The following CCDC127 variants were observed in gnomAD, a reference collection of about 807,000 sequenced individuals.
CCDC127 encodes coiled-coil domain containing 127, also known as coiled-coil domain-containing protein 127.
CCDC127 carries 2 observed loss-of-function variants against 4.1 expected under a neutral mutation model. That is an observed-to-expected ratio of 0.49 (90% CI 0.20 to 1.53). The LOEUF is 1.53. CCDC127 is among the 40% of genes most tolerant of loss of function. CCDC127 has a pLI of 0.23. For missense variants in CCDC127, 271 were observed against 322.9 expected, an observed-to-expected ratio of 0.84 and a Z score of 1.23; for synonymous variants, 98 against 120.4, an observed-to-expected ratio of 0.81 and a Z score of 1.22.
At position 201,427 on chromosome 5, in the gene CCDC127, GAA is replaced by G. The variant is rs1443436795; in HGVS notation, c.*3868_*3869del. On this transcript the variant is annotated 3_prime_UTR_variant, in exon 3 of 3. Transcript: ENST00000296824. Reference sequence around the variant, plus strand: ...AATTAGACATAACTTCTCTTTGAAAGAACACACAGATCATTTGGTGAAGTTTT... The same window carrying G: ...AATTAGACATAACTTCTCTTTGAAAGCACACAGATCATTTGGTGAAGTTTT... 3 of 152,124 alleles carry G rather than the reference GAA, an allele frequency of 2.0e-5. No individual in the cohort carries two copies. The highest frequency in any genetic ancestry group is 7.2e-5 in the African/African-American group (3 of 41,412). The allele number at this position is 152,124 out of a possible 1,614,324, so 9.4% of individuals were successfully genotyped here.
Position 197,861 on chromosome 5 carries a change from C to A in CCDC127, c.*7436G>T. The A allele has an allele frequency of 1.1e-5, 1 of 94,652 alleles. No homozygotes were observed. Among genetic ancestry groups the A allele is most frequent in the Non-Finnish European group, 2.5e-5 (1 of 40,224 alleles). 5.9% of individuals were successfully genotyped at this position (94,652 alleles called of 1,614,324 possible). A position where few individuals can be genotyped will look rare whatever the true frequency, so the allele number is the denominator to read the frequency against. ...TGTCACCCCCTCCCCGAGTGTGTCCCCACCCCAGGGGCCCCCATGTCACCC... is the reference window on the plus strand; with the variant it reads ...TGTCACCCCCTCCCCGAGTGTGTCCACACCCCAGGGGCCCCCATGTCACCC... On this transcript the variant is annotated 3_prime_UTR_variant, in exon 3 of 3. Transcript: ENST00000296824.
At position 205,901 on chromosome 5, in the gene CCDC127, C is replaced by T. The variant is rs11557427; in HGVS notation, c.179G>A (p.Arg60His). ...CTGTTGAAAAGCAGCAGTTCTCCGA[C>T]GGTAGGCTTCTCTCTCTTTTTCTAC... Reference protein sequence around the residue: ...KEVEKEREAYRRRTAAFQQDL... With the variant: ...KEVEKEREAYHRRTAAFQQDL... Residue 60 changes from arginine (R) to histidine (H), a missense_variant, in exon 3 of 3, where the codon CGT (arginine) becomes CAT (histidine). By Grantham distance (29) the Arg-to-His change is conservative. Coordinates refer to ENST00000296824, the MANE Select transcript of CCDC127 (RefSeq NM_145265.3). 2.4e-3 allele frequency: 3,911 copies of T among 1,614,132 alleles called. 68 individuals are homozygous for T. The African/African-American group carries it at 0.045, about 18-fold the overall frequency.
intron 2 of CCDC127, chr5:214,714 T>G (rs1734344591): frequency 6.6e-6 from 1 of 152,056 alleles, no homozygotes; most frequent in African/African-American, 2.4e-5. Flanking sequence ...TTACACACAT[T>G]TCTATGTTAT....
intron 2 of CCDC127, chr5:215,547 T>G (rs1191479037): frequency 1.3e-5 from 2 of 151,858 alleles, no homozygotes; most frequent in South Asian, 2.1e-4. Context: ...GTGTTAAGGG[T>G]TTTTTTTCCC....
At chr5:217,514 G>T (rs1734437198) in intron 1 of CCDC127, among the ~76,000 whole-genome samples, 1 of 152,132 alleles carries the variant, frequency 6.6e-6, no homozygotes, top group African/African-American at 2.4e-5. Context: ...CGATAAAAGT[G>T]GGCTCACACC....
In CCDC127 at chr5:197,493, C is replaced by T. The variant is rs529218026; in HGVS notation, c.*7804G>A. ...CGGCTTTCCGCAGTGCATTGTGCCT[C>T]TGGTTTATTGAGACTAGAGAATAGC... On this transcript the variant is annotated 3_prime_UTR_variant, in exon 3 of 3. Transcript: ENST00000296824. The T allele has an allele frequency of 6.6e-6, 1 of 152,344 alleles. No individual in the cohort carries two copies. The highest frequency in any genetic ancestry group is 2.1e-4 in the South Asian group (1 of 4,834). 9.4% of individuals were successfully genotyped at this position (152,344 alleles called of 1,614,324 possible). A position where few individuals can be genotyped will look rare whatever the true frequency, so the allele number is the denominator to read the frequency against.
intron 2 of CCDC127, among the ~76,000 whole-genome samples, chr5:213,304 C>A (rs1734310381): frequency 1.2e-5 from 1 of 83,292 alleles, no homozygotes. Flanking sequence ...CAGCACCACA[C>A]ACCCATCACG....
intron 2 of CCDC127, among the ~76,000 whole-genome samples, chr5:213,650 C>T (rs1734320865): frequency 6.6e-6 from 1 of 152,098 alleles, no homozygotes; most frequent in Admixed American, 6.5e-5. Context: ...CACGATGAGA[C>T]AGCACCACAC....
Position 205,898 on chromosome 5 carries a change from C to T in CCDC127, c.182G>A (p.Arg61Gln), listed in dbSNP as rs138924780. ...EVEKEREAYRRRTAAFQQDLE... is the reference protein window; with the variant it reads ...EVEKEREAYRQRTAAFQQDLE... ...ATCCTGTTGAAAAGCAGCAGTTCTCCGACGGTAGGCTTCTCTCTCTTTTTC... is the reference window on the plus strand; with the variant it reads ...ATCCTGTTGAAAAGCAGCAGTTCTCTGACGGTAGGCTTCTCTCTCTTTTTC... Residue 61 changes from arginine (R) to glutamine (Q), a missense_variant, in exon 3 of 3, where the codon CGG becomes CAG. Arg to Gln is a conservative substitution (Grantham distance 43, BLOSUM62 1). Transcript: ENST00000296824. 4.2e-5 allele frequency: 68 copies of T among 1,614,150 alleles called. No individual in the cohort carries two copies. The African/African-American group carries it at 4.8e-4, about 11-fold the overall frequency.
At chr5:211,240 C>T (rs1734280935) in intron 2 of CCDC127, among the ~76,000 whole-genome samples, 1 of 120,222 alleles carries the variant, frequency 8.3e-6, no homozygotes, top group Non-Finnish European at 1.7e-5. Context: ...CGAGACAGCA[C>T]CACACACCCA....
intron 2 of CCDC127, among the ~76,000 whole-genome samples, chr5:209,906 C>A (rs1261376448): frequency 6.6e-6 from 1 of 152,104 alleles, no homozygotes; most frequent in East Asian, 1.9e-4. Context: ...GGACCAAATT[C>A]AACACCTATT....
chr5:205,519 C>G lies in CCDC127; in HGVS notation c.561G>C (p.Glu187Asp). 6.2e-7 allele frequency: 1 copy of G among 1,614,022 alleles called. No individual in the cohort carries two copies. Among genetic ancestry groups the G allele is most frequent in the Non-Finnish European group, 8.5e-7 (1 of 1,179,878 alleles). ...FLPRSKRLEI[E>D]KSLLVRASVD... ...CGGACGCTCGCACCAGTAAGCTCTT[C>G]TCTATCTCCAGCCGCTTGCTGCGAG... The change falls in exon 3 of 3, where the codon GAG (glutamate) becomes GAC (aspartate). Residue 187 changes from glutamate (E) to aspartate (D), a missense_variant. By Grantham distance (45) the Glu-to-Asp change is conservative. Transcript: ENST00000296824.
rs1734155669 is a variant in CCDC127 at position 205,591 on chromosome 5, T to C, written c.489A>G (p.Glu163=). 2 of 1,614,242 alleles carry C rather than the reference T, an allele frequency of 1.2e-6. No individual in the cohort carries two copies. The highest frequency in any genetic ancestry group is 1.7e-6 in the Non-Finnish European group (2 of 1,180,046). Residue 163 remains glutamate (E), a synonymous_variant, in exon 3 of 3, where the codon GAA becomes GAG. Transcript: ENST00000296824. ...RRARLLLKEF[E]AVLTERQNIY... ...TATTCTGTCTTTCTGTGAGAACAGCTTCAAATTCTTTCAGCAAAAGCCTGG... is the reference window on the plus strand; with the variant it reads ...TATTCTGTCTTTCTGTGAGAACAGCCTCAAATTCTTTCAGCAAAAGCCTGG...
chr5:200,987 TCTACACAGCAGGCTGCCCCCATCAC>T lies in CCDC127; in HGVS notation c.*4285_*4309del, dbSNP rs1734065520. ...CAGGCTGCCCCCATCACAGCCAGCGTCTACACAGCAGGCTGCCCCCATCACAGCCAGCCAGTGTCTACACAGCAGG... is the reference window on the plus strand; with the variant it reads ...CAGGCTGCCCCCATCACAGCCAGCGTAGCCAGCCAGTGTCTACACAGCAGG... On this transcript the variant is annotated 3_prime_UTR_variant, in exon 3 of 3. Coordinates refer to ENST00000296824, the MANE Select transcript of CCDC127 (RefSeq NM_145265.3). 2.6e-5 allele frequency: 3 copies of T among 115,160 alleles called. No individual in the cohort carries two copies. The highest frequency in any genetic ancestry group is 1.0e-4 in the African/African-American group (2 of 19,712). The allele number at this position is 115,160 out of a possible 1,614,324, so 7.1% of individuals were successfully genotyped here.
intron 2 of CCDC127, among the ~76,000 whole-genome samples, chr5:208,783 C>G (rs1396221644): frequency 6.6e-6 from 1 of 152,248 alleles, no homozygotes; most frequent in Non-Finnish European, 1.5e-5. Flanking sequence ...AGAAAGCCAG[C>G]TAAGACCGAA....
intron 2 of CCDC127, chr5:214,081 A>T (rs1161731150): frequency 1.3e-5 from 2 of 152,264 alleles, no homozygotes; most frequent in Non-Finnish European, 2.9e-5. Flanking sequence ...GAAAAAAGTC[A>T]ACCCGAAAGG....
At chr5:214,335 C>T (rs2115275) in intron 2 of CCDC127, 16,019 of 152,096 alleles carry the variant, frequency 0.11, 1,037 homozygotes, top group Non-Finnish European at 0.12. Flanking sequence ...GGGCTCTCTG[C>T]ATTACTGATG....
chr5:197,342 C>T lies in CCDC127; in HGVS notation c.*7955G>A, dbSNP rs1460625254. The T allele has an allele frequency of 2.0e-5, 3 of 152,244 alleles. No homozygotes were observed. Among genetic ancestry groups the T allele is most frequent in the Admixed American group, 6.5e-5 (1 of 15,284 alleles). The allele number at this position is 152,244 out of a possible 1,614,324, so 9.4% of individuals were successfully genotyped here. On this transcript the variant is annotated 3_prime_UTR_variant, in exon 3 of 3. Transcript: ENST00000296824. ...CGTCTTTTACTAACCCATGTCAGCA[C>T]AGACCCTTTACGGGTGTCGGGCTGG...
chr5:217,988 G>T, intron 1 of CCDC127, 105 bp downstream of exon 1: 1 of 651,606 alleles, frequency 1.5e-6, no homozygotes, highest in Non-Finnish European at 2.0e-6. Flanking sequence ...CATTCCCTGC[G>T]GTCTGGGCGT....
Sources: allele counts gnomAD v4.1 joint callset (sites outside exome capture counted in the v4.1 genomes callset), GRCh38; gene constraint gnomAD v4.1.1; transcripts MANE v1.5; gene names NCBI Gene and HGNC (gene_info 2026-07-23, HGNC 2026-07-21).